ZNF385D: variants seen among roughly 807,000 people sequenced by gnomAD.
ZNF385D encodes zinc finger protein 659.
A neutral mutation model predicts 35.8 loss-of-function variants in ZNF385D; 15 were observed. The ratio of observed to expected loss-of-function variants is 0.42; its 90% CI spans 0.28 to 0.64. ZNF385D has a LOEUF of 0.64. ZNF385D is among the 30% of genes least tolerant of loss of function. The pLI is 0.23. For missense variants in ZNF385D, 474 were observed against 494.6 expected, an observed-to-expected ratio of 0.96 and a Z score of 0.39; for synonymous variants, 212 against 186.8, an observed-to-expected ratio of 1.13 and a Z score of -1.10.
At chr3:21,457,648 C>T (rs890057735) in intron 4 of ZNF385D, among the ~76,000 whole-genome samples, 4 of 152,094 alleles carry the variant, frequency 2.6e-5, no homozygotes, top group African/African-American at 9.7e-5. Flanking sequence ...GCCACCATGC[C>T]GGGCTGGTTA....
rs1159950305 is a variant in ZNF385D at position 21,663,915 on chromosome 3, A to ATATATATTTATT, written c.165+970_165+971insAATAAATATATA. ...AATATATATATATATATATATATAT[A>ATATATATTTATT]TATTTATTTATTTAAATCCATCATG... is the stretch of plus-strand genomic sequence containing the variant. On this transcript the variant is annotated intron_variant, in intron 2 of 7. Transcript: ENST00000281523. Among the ~76,000 whole-genome samples the ATATATATTTATT allele has an allele frequency of 1.8e-4, 19 of 105,854 alleles. 1 individual carries two copies. The East Asian group carries it at 2.1e-3, about 12-fold the overall frequency. The allele number at this position is 105,854 out of a possible 152,430, so 69.4% of individuals were successfully genotyped here.
intron 3 of ZNF385D, among the ~76,000 whole-genome samples, chr3:22,130,953 C>T (rs879444961): frequency 7.2e-5 from 11 of 152,094 alleles, no homozygotes; most frequent in South Asian, 2.1e-4. Context: ...TAGCTATAGA[C>T]TATCTGTTTC....
At chr3:22,108,020 G>C (rs1453537371) in intron 3 of ZNF385D, among the ~76,000 whole-genome samples, 3 of 151,456 alleles carry the variant, frequency 2.0e-5, no homozygotes, top group South Asian at 2.1e-4. Context: ...ACCATGTGAC[G>C]ATGCAGAAAG....
chr3:21,967,397 C>A (rs925446584), intron 3 of ZNF385D, among the ~76,000 whole-genome samples: 35 of 152,146 alleles, frequency 2.3e-4, no homozygotes, highest in Admixed American at 5.9e-4. Context: ...AAGCGTGGAA[C>A]TTCTACTTCC....
intron 2 of ZNF385D, among the ~76,000 whole-genome samples, chr3:22,325,174 C>A (rs1044015821): frequency 6.6e-6 from 1 of 152,114 alleles, no homozygotes; most frequent in Non-Finnish European, 1.5e-5. Context: ...TAAAGGAAGT[C>A]CAGGTGTTTT....
intron 3 of ZNF385D, among the ~76,000 whole-genome samples, chr3:21,862,969 T>C (rs1697139359): frequency 6.6e-6 from 1 of 152,152 alleles, no homozygotes; most frequent in Non-Finnish European, 1.5e-5. Flanking sequence ...AAAGTCCACT[T>C]ACCCCTCCTT....
intron 3 of ZNF385D, among the ~76,000 whole-genome samples, chr3:21,935,294 C>T (rs34708854): frequency 1.5e-4 from 23 of 152,108 alleles, no homozygotes; most frequent in African/African-American, 4.8e-4. Context: ...CAGATTCATT[C>T]GTTTTATGTA....
intron 3 of ZNF385D, among the ~76,000 whole-genome samples, chr3:21,819,692 G>A (rs142278532): frequency 0.052 from 7,268 of 140,322 alleles, 613 homozygotes; most frequent in African/African-American, 0.18. Context: ...CTATGTGTAC[G>A]TGTGTATATA....
At chr3:21,700,521 C>G (rs553144536) in intron 1 of ZNF385D, among the ~76,000 whole-genome samples, 7 of 152,074 alleles carry the variant, frequency 4.6e-5, no homozygotes, top group Non-Finnish European at 1.0e-4. Context: ...ATTAACCCAT[C>G]TTTAGGGATT....
At chr3:22,291,067 T>G (rs1702278070) in intron 2 of ZNF385D, among the ~76,000 whole-genome samples, 1 of 152,082 alleles carries the variant, frequency 6.6e-6, no homozygotes, top group African/African-American at 2.4e-5. Context: ...AAAGGCTCCA[T>G]CTAAAATACC....
At chr3:22,307,157 A>G (rs979886979) in intron 2 of ZNF385D, among the ~76,000 whole-genome samples, 1 of 152,158 alleles carries the variant, frequency 6.6e-6, no homozygotes, top group Admixed American at 6.6e-5. Context: ...GGGAGCAGAC[A>G]ATAAGTGCAA....
chr3:21,712,579 A>G (rs2068154970), intron 1 of ZNF385D, among the ~76,000 whole-genome samples: 2 of 152,182 alleles, frequency 1.3e-5, no homozygotes, highest in Non-Finnish European at 2.9e-5. Flanking sequence ...CACTTGTAAC[A>G]CCGCTGTAAA....
chr3:21,511,774 G>A, intron 3 of ZNF385D: 1 of 456,250 alleles, frequency 2.2e-6, no homozygotes, highest in Non-Finnish European at 4.4e-6. Context: ...TATATAGAGA[G>A]AGAGTTTAGA....
At chr3:22,142,543 T>C (rs981347717) in intron 3 of ZNF385D, among the ~76,000 whole-genome samples, 2 of 152,152 alleles carry the variant, frequency 1.3e-5, no homozygotes, top group Non-Finnish European at 2.9e-5. Context: ...CATTTTAATT[T>C]GTTTAACCTG....
chr3:21,439,442 A>G (rs1382129441), intron 4 of ZNF385D, among the ~76,000 whole-genome samples: 1 of 152,044 alleles, frequency 6.6e-6, no homozygotes, highest in African/African-American at 2.4e-5. Context: ...CCGTAAATAC[A>G]GATATTATAT....
chr3:21,747,085 G>A (rs979758986), intron 1 of ZNF385D, among the ~76,000 whole-genome samples: 3 of 150,776 alleles, frequency 2.0e-5, no homozygotes, highest in African/African-American at 7.3e-5. Context: ...TCCTCAGTGA[G>A]GTTTTTGTTT....
intron 3 of ZNF385D, among the ~76,000 whole-genome samples, chr3:21,997,342 T>C (rs1425410473): frequency 1.3e-5 from 2 of 151,948 alleles, no homozygotes; most frequent in African/African-American, 4.8e-5. Context: ...CACACTGGGG[T>C]CTGTCGTGTG....
rs1397569583 is a variant in ZNF385D at position 22,210,972 on chromosome 3, A to C, written c.107-41937T>G. 2.0e-5 allele frequency among the ~76,000 whole-genome samples: 3 copies of C among 151,998 alleles called. No individual in the cohort carries two copies. The East Asian group carries it at 5.8e-4, about 29-fold the overall frequency. ...GGTACTAAAAAATGATATTCCTTAA[A>C]ACAAGTTTTGAAAATAGGCAGTTTG... On this transcript the variant is annotated intron_variant, in intron 2 of 5. Coordinates refer to the ZNF385D transcript ENST00000494108.
intron 2 of ZNF385D, among the ~76,000 whole-genome samples, chr3:21,583,951 C>CTTACTTATTTATTTAT (rs1553617403): frequency 2.9e-4 from 39 of 132,932 alleles, no homozygotes; most frequent in Admixed American, 4.5e-4. Flanking sequence ...ATTTATTTTA[C>CTTACTTATTTATTTAT]TTATTTACTT....
Sources: gnomAD v4.1 joint callset for allele counts (sites outside exome capture counted in the v4.1 genomes callset) on GRCh38, gnomAD v4.1.1 for gene constraint, MANE v1.5 for transcripts, NCBI Gene and HGNC (gene_info 2026-07-23, HGNC 2026-07-21) for gene names.